The following ADGRV1 variants were observed in gnomAD, a reference collection of about 807,000 sequenced individuals.
ADGRV1 encodes G-protein coupled receptor 98.
Under a neutral mutation model 596.2 loss-of-function variants are expected in ADGRV1, and 359 were observed. That is an observed-to-expected ratio of 0.60 (90% CI 0.55 to 0.66). The LOEUF is 0.66. Among genes scored for constraint, ADGRV1 ranks in the 30% least tolerant of loss-of-function variants. The pLI, the probability that ADGRV1 is intolerant of heterozygous loss-of-function variation, is 0.00. For synonymous variants in ADGRV1, 2,681 were observed against 2,679.2 expected (o/e 1.00, Z -0.02); for missense variants, 7,274 against 7,575.6 (o/e 0.96, Z 1.48).
intron 87 of ADGRV1, among the ~76,000 whole-genome samples, chr5:91,140,761 C>T (rs1424289814): frequency 1.3e-5 from 2 of 152,176 alleles, no homozygotes; most frequent in African/African-American, 4.8e-5. Context: ...CTGTTAAAAA[C>T]TTACTTTTCA....
At chr5:90,740,713 G>A (rs890734213) in intron 50 of ADGRV1, among the ~76,000 whole-genome samples, 1 of 152,162 alleles carries the variant, frequency 6.6e-6, no homozygotes, top group Non-Finnish European at 1.5e-5. Context: ...GATAGCTAGT[G>A]TTTCCAGTGG....
At chr5:90,749,499 C>A (rs766712512) in intron 52 of ADGRV1, among the ~76,000 whole-genome samples, 1 of 152,174 alleles carries the variant, frequency 6.6e-6, no homozygotes, top group Non-Finnish European at 1.5e-5. Flanking sequence ...ACATCTGTAA[C>A]AATGTGTTAA....
intron 88 of ADGRV1, 118 bp downstream of exon 88, chr5:91,150,339 G>T (rs1268033299): frequency 1.3e-6 from 1 of 742,766 alleles, no homozygotes; most frequent in Non-Finnish European, 2.0e-6. Context: ...CTCATAAAGA[G>T]TACAAGATGA....
Position 90,757,083 on chromosome 5 carries a change from T to C in ADGRV1, c.11862T>C (p.Tyr3954=). 1 of 1,613,954 alleles carries C rather than the reference T, an allele frequency of 6.2e-7. No individual in the cohort carries two copies. Among genetic ancestry groups the C allele is most frequent in the Admixed American group, 1.7e-5 (1 of 60,026 alleles). Residue 3954 remains tyrosine (Y), a synonymous_variant, in exon 57 of 90, where the codon TAT becomes TAC. Transcript: ENST00000405460. The part of the protein sequence containing the change: ...LAGSFGAVNV[Y]WKASPDSAGL... ...GAAGCTTTGGGGCAGTAAATGTTTA[T>C]TGGAAAGCATCACCAGACAGTGCTG...
chr5:90,928,822 CT>C (rs1774839396), intron 83 of ADGRV1, among the ~76,000 whole-genome samples: 1 of 149,942 alleles, frequency 6.7e-6, no homozygotes, highest in Non-Finnish European at 1.5e-5. Context: ...TGTGGATGTC[CT>C]TTCTGTTTGT....
intron 85 of ADGRV1, among the ~76,000 whole-genome samples, chr5:91,038,977 T>A (rs972094488): frequency 7.2e-5 from 11 of 152,196 alleles, no homozygotes; most frequent in African/African-American, 2.7e-4. Flanking sequence ...TTGATTCTAA[T>A]GAGGAGTATG....
intron 1 of ADGRV1, among the ~76,000 whole-genome samples, chr5:90,594,068 T>C (rs1377237544): frequency 2.0e-5 from 3 of 152,160 alleles, no homozygotes; most frequent in African/African-American, 7.2e-5. Context: ...GATTTCTTCT[T>C]GAAATAAAAA....
At chr5:90,736,280 A>T (rs534830244) in intron 50 of ADGRV1, among the ~76,000 whole-genome samples, 12 of 152,158 alleles carry the variant, frequency 7.9e-5, no homozygotes, top group African/African-American at 2.9e-4. Context: ...ACATTTCTTG[A>T]TCTGCATATA....
chr5:90,823,697 A>G, intron 76 of ADGRV1, 101 bp downstream of exon 76: 2 of 1,029,154 alleles, frequency 1.9e-6, no homozygotes, highest in African/African-American at 3.2e-5. Context: ...GTTGATAGGG[A>G]GATTCTTTGT....
intron 76 of ADGRV1, among the ~76,000 whole-genome samples, chr5:90,828,273 T>C (rs1764229109): frequency 6.6e-6 from 1 of 152,046 alleles, no homozygotes; most frequent in Non-Finnish European, 1.5e-5. Context: ...AATATTTGAT[T>C]ATATTTATTT....
At chr5:90,715,900 T>C (rs1191192367) in intron 42 of ADGRV1, among the ~76,000 whole-genome samples, 2 of 152,214 alleles carry the variant, frequency 1.3e-5, no homozygotes, top group Non-Finnish European at 2.9e-5. Flanking sequence ...AGTAAGTTCT[T>C]AATAGTATTA....
intron 1 of ADGRV1, among the ~76,000 whole-genome samples, chr5:90,583,671 A>G (rs1210432897): frequency 6.6e-6 from 1 of 152,126 alleles, no homozygotes; most frequent in East Asian, 1.9e-4. Context: ...TAGGCCTACA[A>G]CTAATTACCT....
chr5:91,153,922 C>A (rs560964244), intron 89 of ADGRV1, among the ~76,000 whole-genome samples: 2 of 152,200 alleles, frequency 1.3e-5, no homozygotes, highest in Non-Finnish European at 2.9e-5. Flanking sequence ...GGAAAACAGT[C>A]CAAGAGGTCC....
intron 52 of ADGRV1, among the ~76,000 whole-genome samples, chr5:90,749,777 T>C (rs1439446411): frequency 6.6e-6 from 1 of 152,218 alleles, no homozygotes; most frequent in African/African-American, 2.4e-5. Context: ...ACGTTGTGTA[T>C]GTTTGGTGAA....
chr5:91,081,820 A>G (rs574429621), intron 86 of ADGRV1, among the ~76,000 whole-genome samples: 1 of 152,148 alleles, frequency 6.6e-6, no homozygotes, highest in Non-Finnish European at 1.5e-5. Flanking sequence ...TTTAAAAAAT[A>G]AAATAAATAT....
chr5:90,799,369 A>C (rs1761104920), intron 70 of ADGRV1, among the ~76,000 whole-genome samples: 1 of 152,210 alleles, frequency 6.6e-6, no homozygotes, highest in African/African-American at 2.4e-5. Context: ...CAAATTTACA[A>C]GGGATGTGAA....
intron 83 of ADGRV1, among the ~76,000 whole-genome samples, chr5:90,899,497 C>T (rs1217141688): frequency 6.6e-6 from 1 of 152,154 alleles, no homozygotes; most frequent in Non-Finnish European, 1.5e-5. Flanking sequence ...AATCTGGGAA[C>T]TTGTTAGTCT....
chr5:90,607,575 T>C (rs7732837), intron 1 of ADGRV1, among the ~76,000 whole-genome samples: 2,797 of 152,250 alleles, frequency 0.018, 98 homozygotes, highest in African/African-American at 0.066. Flanking sequence ...CCAGATGTCC[T>C]GGTAATTATA....
At chr5:91,006,765 AAG>A (rs955641402) in intron 85 of ADGRV1, among the ~76,000 whole-genome samples, 1 of 147,434 alleles carries the variant, frequency 6.8e-6, no homozygotes, top group African/African-American at 2.6e-5. Flanking sequence ...TTCTGATAAA[AAG>A]AGAAATACGG....
Sources: allele counts gnomAD v4.1 joint callset (sites outside exome capture counted in the v4.1 genomes callset), GRCh38; gene constraint gnomAD v4.1.1; transcripts MANE v1.5; gene names NCBI Gene and HGNC (gene_info 2026-07-23, HGNC 2026-07-21).